Variants in LPIN2 observed in about 807,000 individuals in gnomAD.
LPIN2 encodes the protein phosphatidate phosphatase LPIN2.
In LPIN2, 55 loss-of-function variants were observed where a neutral mutation model predicts 111.4. The observed-to-expected ratio is 0.49, with a 90% CI of 0.40 to 0.62. LPIN2 has a LOEUF of 0.62. LPIN2 is among the 20% of genes least tolerant of loss of function. The probability of loss-of-function intolerance (pLI) is 0.00; values close to 1 mark genes in which losing one functional copy is unlikely to be tolerated. For synonymous variants in LPIN2, 425 were observed against 414.0 expected, an observed-to-expected ratio of 1.03 and a Z score of -0.32; for missense variants, 992 against 1,112.1, an observed-to-expected ratio of 0.89 and a Z score of 1.54.
intron 1 of LPIN2, among the ~76,000 whole-genome samples, chr18:3,010,638 A>C (rs1167068046): frequency 6.6e-6 from 1 of 152,204 alleles, no homozygotes; most frequent in Non-Finnish European, 1.5e-5. Flanking sequence ...ATTTAAATTA[A>C]AGATGGAAAG....
chr18:2,937,471 G>C (rs1039827041), intron 7 of LPIN2, among the ~76,000 whole-genome samples: 5 of 146,984 alleles, frequency 3.4e-5, no homozygotes, highest in African/African-American at 1.3e-4. Flanking sequence ...CTTGAACCCG[G>C]GAGGCGGAAG....
intron 8 of LPIN2, among the ~76,000 whole-genome samples, chr18:2,933,709 C>A (rs1785280): frequency 6.6e-6 from 1 of 152,212 alleles, no homozygotes; most frequent in African/African-American, 2.4e-5. Context: ...TTGTTTTTTT[C>A]TAACCACAGA....
intron 14 of LPIN2, among the ~76,000 whole-genome samples, chr18:2,924,958 C>T (rs976968479): frequency 9.9e-5 from 15 of 152,162 alleles, no homozygotes; most frequent in Admixed American, 2.6e-4. Context: ...CCTGGCTCAG[C>T]GCTGGGTTAG....
intron 1 of LPIN2, among the ~76,000 whole-genome samples, chr18:2,976,210 C>T (rs751158275): frequency 1.3e-5 from 2 of 152,168 alleles, no homozygotes; most frequent in Non-Finnish European, 2.9e-5. Context: ...CAAGTAATTA[C>T]GTGTCCTAAT....
intron 1 of LPIN2, among the ~76,000 whole-genome samples, chr18:3,000,088 G>GAAGAGGGGA (rs1204362579): frequency 2.8e-5 from 4 of 144,176 alleles, no homozygotes; most frequent in African/African-American, 7.7e-5. Flanking sequence ...GGAGAAGGAG[G>GAAGAGGGGA]AAGAGGGGAA....
intron 1 of LPIN2, among the ~76,000 whole-genome samples, chr18:3,011,188 C>T (rs189369460): frequency 2.0e-5 from 3 of 152,270 alleles, no homozygotes; most frequent in Admixed American, 2.0e-4. Context: ...ATAAAGAAGA[C>T]AAAGCCCCAG....
At chr18:3,011,058 T>C (rs925246526) in intron 1 of LPIN2, among the ~76,000 whole-genome samples, 4 of 152,086 alleles carry the variant, frequency 2.6e-5, no homozygotes, top group African/African-American at 4.8e-5. Context: ...AAGCCGGCTA[T>C]GTGCTTGGAA....
rs573590592 is a variant in LPIN2 at position 2,994,414 on chromosome 18, C to T, written c.-10+18673G>A. 3.3e-5 allele frequency among the ~76,000 whole-genome samples: 5 copies of T among 152,362 alleles called. No homozygotes were observed. The East Asian group carries it at 9.6e-4, about 29-fold the overall frequency. ...CTAGGGCAGCTGGCAAAGGACAAGGCTTCTGCAGGGCCACTGGTGGCCATG... is the reference window on the plus strand; with the variant it reads ...CTAGGGCAGCTGGCAAAGGACAAGGTTTCTGCAGGGCCACTGGTGGCCATG... On this transcript the variant is annotated intron_variant, in intron 1 of 19. Coordinates refer to ENST00000677752, the MANE Select transcript of LPIN2 (RefSeq NM_001375808.2).
intron 2 of LPIN2, among the ~76,000 whole-genome samples, chr18:2,955,162 G>A (rs1035481269): frequency 1.3e-5 from 2 of 152,196 alleles, no homozygotes; most frequent in African/African-American, 4.8e-5. Flanking sequence ...AAAAATTCAG[G>A]TAGACATATG....
intron 1 of LPIN2, among the ~76,000 whole-genome samples, chr18:2,967,907 C>T (rs144626100): frequency 4.6e-5 from 7 of 152,160 alleles, no homozygotes; most frequent in African/African-American, 9.6e-5. Context: ...AAATAGCAGC[C>T]GCACAAGAAC....
At chr18:2,982,387 A>G (rs77089782) in intron 1 of LPIN2, among the ~76,000 whole-genome samples, 9,812 of 152,212 alleles carry the variant, frequency 0.064, 410 homozygotes, top group Non-Finnish European at 0.095. Flanking sequence ...CTCAGTTTAA[A>G]ACAGCAACTT....
At chr18:2,979,773 G>A (rs565953148) in intron 1 of LPIN2, among the ~76,000 whole-genome samples, 4 of 152,166 alleles carry the variant, frequency 2.6e-5, no homozygotes, top group Non-Finnish European at 4.4e-5. Context: ...TCTGTGGCGA[G>A]CATGCTTTGA....
intron 2 of LPIN2, among the ~76,000 whole-genome samples, chr18:2,956,340 G>GTGTGTGTGTGTGTGTGTGTGTT (rs2077616566): frequency 7.3e-6 from 1 of 136,100 alleles, no homozygotes; most frequent in Non-Finnish European, 1.7e-5. Context: ...GTGTGTGTGT[G>GTGTGTGTGTGTGTGTGTGTGTT]TGTGTACACG....
chr18:2,933,152 TCTCA>T (rs752604454), intron 8 of LPIN2, among the ~76,000 whole-genome samples: 13 of 152,164 alleles, frequency 8.5e-5, no homozygotes, highest in African/African-American at 1.4e-4. Context: ...ATTACAAGAG[TCTCA>T]CTCACTATCT....
intron 12 of LPIN2, 52 bp downstream of exon 12, chr18:2,927,670 G>C (rs2077154260): frequency 1.2e-5 from 19 of 1,585,470 alleles, no homozygotes; most frequent in South Asian, 4.4e-5. Context: ...TTGAATAAAT[G>C]AAAGATTCAT....
At chr18:2,947,214 T>C (rs1261084942) in intron 4 of LPIN2, among the ~76,000 whole-genome samples, 1 of 152,238 alleles carries the variant, frequency 6.6e-6, no homozygotes, top group Non-Finnish European at 1.5e-5. Flanking sequence ...CCATTTTTGC[T>C]ATTGCTGGGT....
intron 13 of LPIN2, 42 bp downstream of exon 13, chr18:2,926,678 AGAG>A (rs1568517259): frequency 1.3e-6 from 2 of 1,530,454 alleles, no homozygotes; most frequent in African/African-American, 2.7e-5. Context: ...TGGCCCTGCT[AGAG>A]GGCCTGAGTG....
chr18:2,945,809 T>C (rs1409973983), intron 4 of LPIN2: 63 of 1,407,950 alleles, frequency 4.5e-5, no homozygotes, highest in Non-Finnish European at 5.9e-5. Flanking sequence ...TTTTAGCCTA[T>C]ACTGAAATGG....
intron 7 of LPIN2, 130 bp downstream of exon 7, chr18:2,937,544 TAAAAAAAAAAAAAAAAAA>T (rs71366618): frequency 5.8e-6 from 2 of 345,870 alleles, no homozygotes; most frequent in African/African-American, 5.5e-5. Context: ...AAACTCCAGC[TAAAAAAAAAAAAAAAAAA>T]AAAAAAAAAG....
Sources: allele counts gnomAD v4.1 joint callset (sites outside exome capture counted in the v4.1 genomes callset), GRCh38; gene constraint gnomAD v4.1.1; transcripts MANE v1.5; gene names NCBI Gene and HGNC (gene_info 2026-07-23, HGNC 2026-07-21).